PAQR9: variants seen among roughly 807,000 people sequenced by gnomAD.
PAQR9 encodes membrane progestin receptor epsilon.
Under a neutral mutation model 24.0 loss-of-function variants are expected in PAQR9, and 12 were observed. That is an observed-to-expected ratio of 0.50 (90% CI 0.32 to 0.81). The LOEUF (loss-of-function observed/expected upper bound fraction) is 0.81. PAQR9 is among the 30% of genes least tolerant of loss of function. The probability of loss-of-function intolerance (pLI) is 0.03; values close to 1 mark genes in which losing one functional copy is unlikely to be tolerated. For missense variants in PAQR9, 418 were observed against 520.8 expected, an observed-to-expected ratio of 0.80 and a Z score of 1.92; for synonymous variants, 266 against 237.6, an observed-to-expected ratio of 1.12 and a Z score of -1.10.
chr3:142,953,988 G>A (rs573953973), downstream of PAQR9, among the ~76,000 whole-genome samples: 6 of 152,320 alleles, frequency 3.9e-5, no homozygotes, highest in East Asian at 1.2e-3. Context: ...GCACTGCCCT[G>A]CTCCCTTCCT....
chr3:142,953,447 G>A (rs748370619), downstream of PAQR9, among the ~76,000 whole-genome samples: 3 of 152,172 alleles, frequency 2.0e-5, no homozygotes, highest in Non-Finnish European at 4.4e-5. Context: ...TAGCCAGCTA[G>A]GGGCTGGGCT....
chr3:142,951,503 C>T (rs905202687), downstream of PAQR9: 1 of 336,318 alleles, frequency 3.0e-6, no homozygotes, highest in Non-Finnish European at 5.8e-6. Context: ...CCATCCTTTT[C>T]TGCTTACCTG....
chr3:142,963,127 G>C lies in PAQR9; in HGVS notation c.210C>G (p.Ala70=). 6 of 1,612,484 alleles carry C rather than the reference G, an allele frequency of 3.7e-6. No individual in the cohort carries two copies. Among genetic ancestry groups the C allele is most frequent in the Non-Finnish European group, 5.1e-6 (6 of 1,179,264 alleles). The change falls in exon 1 of 1, where the codon GCC becomes GCG. Residue 70 remains alanine, a synonymous_variant. Transcript: ENST00000340634. Reference sequence around the variant, plus strand: ...TCAGCACCGAGGCTAGGCACTCCTGGGCCGTGCACGGCAGACGCCGGTAGC... The same window carrying C: ...TCAGCACCGAGGCTAGGCACTCCTGCGCCGTGCACGGCAGACGCCGGTAGC... The part of the protein sequence containing the change: ...LSGYRRLPCT[A]QECLASVLKP...
downstream of PAQR9, among the ~76,000 whole-genome samples, chr3:142,953,601 C>T (rs1193530738): frequency 6.6e-6 from 1 of 152,098 alleles, no homozygotes; most frequent in Non-Finnish European, 1.5e-5. Flanking sequence ...CGCCAGTCTC[C>T]CATGATCTTT....
downstream of PAQR9, chr3:142,950,547 C>A: frequency 2.3e-6 from 1 of 444,394 alleles, no homozygotes; most frequent in South Asian, 1.6e-5. Context: ...AATATTCTTT[C>A]ATTACAGGAA....
rs1934818668 is a variant in PAQR9, at chr3:142,957,882, G to A, written c.*4321C>T. ...ATGTGAATAGAAATAAGATTCTATGGATTGCACTTATGCTAGCAAAAAAAG... is the reference window on the plus strand; with the variant it reads ...ATGTGAATAGAAATAAGATTCTATGAATTGCACTTATGCTAGCAAAAAAAG... On this transcript the variant is annotated 3_prime_UTR_variant, in exon 1 of 1. Coordinates refer to ENST00000340634, the MANE Select transcript of PAQR9 (RefSeq NM_198504.4). Among the ~76,000 whole-genome samples, 1 of 152,184 alleles carries A rather than the reference G, an allele frequency of 6.6e-6. No individual in the cohort carries two copies. The highest frequency in any genetic ancestry group is 2.4e-5 in the African/African-American group (1 of 41,436).
rs1482210524 is a variant in PAQR9, at chr3:142,962,593, G to A, written c.744C>T (p.Val248=). The change falls in exon 1 of 1, where the codon GTC becomes GTT. Residue 248 remains valine (V), a synonymous_variant. Coordinates refer to ENST00000340634, the MANE Select transcript of PAQR9 (RefSeq NM_198504.4). ...TGGGGCAGGCCATGCTGAGCGGCAT[G>A]ACGAAGACGAAGGTGCGCAGCGCGA... The part of the protein sequence containing the change: ...YPFALRTFVF[V]MPLSMACPIM... 5 of 1,613,936 alleles carry A rather than the reference G, an allele frequency of 3.1e-6. No homozygotes were observed. Among genetic ancestry groups the A allele is most frequent in the South Asian group, 1.1e-5 (1 of 91,062 alleles).
In PAQR9 at chr3:142,963,088, C is replaced by A; in HGVS notation, c.249G>T (p.Glu83Asp). Residue 83 changes from glutamate (E) to aspartate (D), a missense_variant, in exon 1 of 1, where the codon GAG (glutamate) becomes GAT (aspartate). Transcript: ENST00000340634. ...TGAAGTGCGTCCAGAAGTTGAGCGT[C>A]TCGTTGGTAGGCTTCAGCACCGAGG... is the stretch of plus-strand genomic sequence containing the variant. ...CLASVLKPTN[E>D]TLNFWTHFIP... 4 of 1,614,092 alleles carry A rather than the reference C, an allele frequency of 2.5e-6. No homozygotes were observed. The highest frequency in any genetic ancestry group is 3.4e-6 in the Non-Finnish European group (4 of 1,179,968).
rs1934803596 is a variant in PAQR9, at chr3:142,957,239, A to G, written c.*4964T>C. ...GCTACAAGATGTGGTTAAGCTGACA[A>G]ACAGAATTCCTTGCCTGTCTACTCG... is the stretch of plus-strand genomic sequence containing the variant. On this transcript the variant is annotated 3_prime_UTR_variant, in exon 1 of 1. Transcript: ENST00000340634. Among the ~76,000 whole-genome samples the G allele has an allele frequency of 6.6e-6, 1 of 152,208 alleles. No individual in the cohort carries two copies. The highest frequency in any genetic ancestry group is 1.9e-4 in the East Asian group (1 of 5,202).
rs1274211036 is a variant in PAQR9, at chr3:142,962,911, G to A, written c.426C>T (p.Phe142=). Residue 142 remains phenylalanine (F), a synonymous_variant, in exon 1 of 1, where the codon TTC becomes TTT. Coordinates refer to ENST00000340634, the MANE Select transcript of PAQR9 (RefSeq NM_198504.4). ...CGCGCAGACGCAGCGACAGGCAGCT[G>A]AACACGTGCGCCGTGCAGCTCATGG... is the stretch of plus-strand genomic sequence containing the variant. ...TFAMSCTAHV[F]SCLSLRLRAA... is the part of the protein sequence containing the mutation. 65 of 1,613,716 alleles carry A rather than the reference G, an allele frequency of 4.0e-5. No homozygotes were observed. Among genetic ancestry groups the A allele is most frequent in the Non-Finnish European group, 5.4e-5 (64 of 1,180,004 alleles).
At position 142,955,442 on chromosome 3, in the gene PAQR9, TAAAAAAAAAAAAAAAAAAAAA is replaced by T. The variant is rs150071656; in HGVS notation, c.*6740_*6760del. On this transcript the variant is annotated 3_prime_UTR_variant, in exon 1 of 1. Transcript: ENST00000340634. ...GAGCGACCACATGGTCTATACAAAT[TAAAAAAAAAAAAAAAAAAAAA>T]AAAAAAAAAAAAAAGCAGCCACAGA... Among the ~76,000 whole-genome samples, 11 of 21,578 alleles carry T rather than the reference TAAAAAAAAAAAAAAAAAAAAA, an allele frequency of 5.1e-4. No homozygotes were observed. Among genetic ancestry groups the T allele is most frequent in the Non-Finnish European group, 8.1e-4 (8 of 9,910 alleles). 14.2% of individuals were successfully genotyped at this position (21,578 alleles called of 152,430 possible).
chr3:142,955,442 TAAAAAAAAAAAAAAAA>T lies in PAQR9; in HGVS notation c.*6745_*6760del, dbSNP rs150071656. Among the ~76,000 whole-genome samples the T allele has an allele frequency of 1.7e-3, 37 of 21,614 alleles. No individual in the cohort carries two copies. Among genetic ancestry groups the T allele is most frequent in the East Asian group, 4.0e-3 (2 of 498 alleles). The allele number at this position is 21,614 out of a possible 152,430, so 14.2% of individuals were successfully genotyped here. On this transcript the variant is annotated 3_prime_UTR_variant, in exon 1 of 1. Transcript: ENST00000340634. ...GAGCGACCACATGGTCTATACAAAT[TAAAAAAAAAAAAAAAA>T]AAAAAAAAAAAAAAAAAAAGCAGCC...
At chr3:142,951,056 A>AG (rs1934704112), downstream of PAQR9, among the ~76,000 whole-genome samples, 1 of 152,214 alleles carries the variant, frequency 6.6e-6, no homozygotes, top group Admixed American at 6.5e-5. Context: ...TATTGTTCAT[A>AG]GGATTTATTT....
rs762221443 is a variant in PAQR9 at position 142,963,191 on chromosome 3, T to G, written c.146A>C (p.Glu49Ala). ...ASAKPLLRWD[E>A]VPDDFVECFI... ...GCACTCCACGAAGTCGTCGGGCACC[T>G]CGTCCCAGCGCAGCAGCGGCTTGGC... Residue 49 changes from glutamate (E) to alanine (A), a missense_variant, in exon 1 of 1, where the codon GAG (glutamate) becomes GCG (alanine). Coordinates refer to ENST00000340634, the MANE Select transcript of PAQR9 (RefSeq NM_198504.4). The G allele has an allele frequency of 6.3e-7, 1 of 1,583,024 alleles. No individual in the cohort carries two copies. Among genetic ancestry groups the G allele is most frequent in the East Asian group, 2.3e-5 (1 of 42,856 alleles).
Position 142,962,848 on chromosome 3 carries a change from G to A in PAQR9, c.489C>T (p.Tyr163=). The change falls in exon 1 of 1, where the codon TAC becomes TAT. Residue 163 remains tyrosine, a synonymous_variant. Transcript: ENST00000340634. ...AGGCCACCGTGCTGCCGAAGCCGTA[G>A]TAGCTGATGGACGCGTAGTCCAGGT... ...FFYLDYASIS[Y]YGFGSTVAYY... is the part of the protein sequence containing the mutation. The A allele has an allele frequency of 1.2e-6, 2 of 1,613,538 alleles. No individual in the cohort carries two copies. The highest frequency in any genetic ancestry group is 1.7e-6 in the Non-Finnish European group (2 of 1,179,972).
rs1005997074 is a variant in PAQR9, at chr3:142,955,879, A to G, written c.*6324T>C. On this transcript the variant is annotated 3_prime_UTR_variant, in exon 1 of 1. Transcript: ENST00000340634. ...TATCTCATGTGTTTTCTTCTTTTTT[A>G]AAAAATGATTTGTATCCTTCTTTAA... Among the ~76,000 whole-genome samples the G allele has an allele frequency of 2.0e-5, 3 of 152,178 alleles. No individual in the cohort carries two copies. Among genetic ancestry groups the G allele is most frequent in the African/African-American group, 7.2e-5 (3 of 41,444 alleles).
upstream of PAQR9, chr3:142,963,943 G>A (rs138665086): frequency 0.017 from 16,531 of 947,868 alleles, 1,807 homozygotes; most frequent in African/African-American, 0.25. Context: ...CGGCGCGCGC[G>A]CCGAGTACTA....
chr3:142,952,348 G>C (rs569896731), downstream of PAQR9, among the ~76,000 whole-genome samples: 128 of 152,236 alleles, frequency 8.4e-4, no homozygotes, highest in Non-Finnish European at 1.4e-3. Context: ...TCACTGGGTA[G>C]CTTTGAATCC....
Position 142,962,435 on chromosome 3 carries a change from G to A in PAQR9, c.902C>T (p.Pro301Leu), listed in dbSNP as rs772622005. 23 of 1,614,018 alleles carry A rather than the reference G, an allele frequency of 1.4e-5. No homozygotes were observed. The highest frequency in any genetic ancestry group is 1.9e-5 in the Non-Finnish European group (23 of 1,180,008). Residue 301 changes from proline (P) to leucine (L), a missense_variant, in exon 1 of 1, where the codon CCG (proline) becomes CTG (leucine). By Grantham distance (98) the Pro-to-Leu change is moderately conservative. Transcript: ENST00000340634. ...GTGGCCGATAATGTCGAAAAGACCC[G>A]GCTGGATGCGCTCGGGGATCTTGCT... is the stretch of plus-strand genomic sequence containing the variant. The part of the protein sequence containing the change: ...NVSKIPERIQ[P>L]GLFDIIGHSH...
Sources: allele counts gnomAD v4.1 joint callset (sites outside exome capture counted in the v4.1 genomes callset), GRCh38; gene constraint gnomAD v4.1.1; transcripts MANE v1.5; gene names NCBI Gene and HGNC (gene_info 2026-07-23, HGNC 2026-07-21).